Variants in SEC24A observed in about 807,000 individuals in gnomAD.
SEC24A encodes the protein protein transport protein Sec24A.
Under a neutral mutation model 129.4 loss-of-function variants are expected in SEC24A, and 93 were observed. That is an observed-to-expected ratio of 0.72 (90% CI 0.61 to 0.85). The LOEUF is 0.85. SEC24A is among the 40% of genes least tolerant of loss of function. The pLI, the probability that SEC24A is intolerant of heterozygous loss-of-function variation, is 0.00. For missense variants in SEC24A, 1,264 were observed against 1,307.4 expected, an observed-to-expected ratio of 0.97 and a Z score of 0.51; for synonymous variants, 460 against 467.3, an observed-to-expected ratio of 0.98 and a Z score of 0.20.
chr5:134,714,266 G>A (rs935299920), intron 18 of SEC24A, among the ~76,000 whole-genome samples: 1 of 151,988 alleles, frequency 6.6e-6, no homozygotes, highest in Admixed American at 6.6e-5. Flanking sequence ...GCACTCATGG[G>A]CCACTTAGTG....
chr5:134,700,117 T>A (rs1751960800), intron 15 of SEC24A, among the ~76,000 whole-genome samples: 1 of 152,056 alleles, frequency 6.6e-6, no homozygotes. Context: ...TTTAAATAAA[T>A]ATTATTGCTC....
chr5:134,705,225 A>G lies in SEC24A; in HGVS notation c.2441-102A>G, dbSNP rs1005338866. 5.0e-6 allele frequency: 4 copies of G among 799,288 alleles called. No individual in the cohort carries two copies. In the East Asian group the frequency reaches 8.0e-5, roughly 16 times the overall value. The allele number at this position is 799,288 out of a possible 1,614,324, so 49.5% of individuals were successfully genotyped here. On this transcript the variant is annotated intron_variant, in intron 16 of 22. Transcript: ENST00000398844. ...GGAGTAGGTGGGACTACAGGGATGC[A>G]CCACTGCACCCAGCTAAGAAGTGAT...
At chr5:134,671,042 T>C (rs1204102940) in intron 3 of SEC24A, among the ~76,000 whole-genome samples, 1 of 152,032 alleles carries the variant, frequency 6.6e-6, no homozygotes, top group Non-Finnish European at 1.5e-5. Context: ...AATTTTACTT[T>C]CTTTTTTTGT....
intron 21 of SEC24A, among the ~76,000 whole-genome samples, chr5:134,721,597 C>T (rs973637233): frequency 6.6e-6 from 1 of 150,660 alleles, no homozygotes; most frequent in Non-Finnish European, 1.5e-5. Flanking sequence ...ATATGCCAGG[C>T]GTGGTGGCTC....
intron 9 of SEC24A, among the ~76,000 whole-genome samples, chr5:134,683,792 A>G (rs945470602): frequency 3.3e-5 from 5 of 152,232 alleles, no homozygotes; most frequent in African/African-American, 7.2e-5. Flanking sequence ...ACTTTTGATC[A>G]GCACAAACAG....
At position 134,703,753 on chromosome 5, in the gene SEC24A, T is replaced by TTC. The variant is rs746447399; in HGVS notation, c.2267-4_2267-3dup. ...AAAATAATTTTGTTACCTTTTTCTC[T>TTC]TCTAGGTCTTTCCATTCATACTTTC... On this transcript the variant is annotated splice_polypyrimidine_tract_variant and splice_region_variant and intron_variant, in intron 15 of 22. Transcript: ENST00000398844. 8 of 1,595,586 alleles carry TTC rather than the reference T, an allele frequency of 5.0e-6. No homozygotes were observed. In the East Asian group the frequency reaches 1.8e-4, roughly 36 times the overall value.
intron 15 of SEC24A, among the ~76,000 whole-genome samples, chr5:134,699,301 C>CGTT (rs1429369613): frequency 1.4e-5 from 2 of 138,374 alleles, no homozygotes; most frequent in East Asian, 2.1e-4. Flanking sequence ...CCATTTTATC[C>CGTT]TTTTTTTTTT....
chr5:134,712,217 T>G (rs1228074786), intron 18 of SEC24A, among the ~76,000 whole-genome samples: 1 of 152,122 alleles, frequency 6.6e-6, no homozygotes, highest in Non-Finnish European at 1.5e-5. Context: ...CTCATTACTT[T>G]CTAGTAGGAG....
At position 134,727,810 on chromosome 5, in the gene SEC24A, A is replaced by T. The variant is rs1422261053; in HGVS notation, c.*2716A>T. On this transcript the variant is annotated 3_prime_UTR_variant, in exon 23 of 23. Coordinates refer to ENST00000398844, the MANE Select transcript of SEC24A (RefSeq NM_021982.3). ...TAATTTTCACTGTTTTATTCCTGTT[A>T]AAAAAAAAAAAAAGTCATTTGTAAC... 2.2e-5 allele frequency: 3 copies of T among 137,712 alleles called. No homozygotes were observed. Among genetic ancestry groups the T allele is most frequent in the East Asian group, 2.3e-4 (1 of 4,326 alleles). 8.5% of individuals were successfully genotyped at this position (137,712 alleles called of 1,614,324 possible).
At chr5:134,687,961 T>G (rs1370982383) in intron 10 of SEC24A, among the ~76,000 whole-genome samples, 1 of 152,204 alleles carries the variant, frequency 6.6e-6, no homozygotes, top group Non-Finnish European at 1.5e-5. Flanking sequence ...ATTGTTGTAT[T>G]ATTGCTGTTT....
intron 1 of SEC24A, among the ~76,000 whole-genome samples, chr5:134,652,389 A>G (rs1276082988): frequency 2.0e-5 from 3 of 150,682 alleles, no homozygotes; most frequent in Non-Finnish European, 1.5e-5. Flanking sequence ...CCTGGGTTCA[A>G]GCAATTCTGC....
chr5:134,679,450 T>C (rs1223249884), intron 7 of SEC24A, 152 bp from the exon 8 acceptor site: 2 of 434,980 alleles, frequency 4.6e-6, no homozygotes, highest in African/African-American at 4.0e-5. Context: ...TACATGGTTT[T>C]TGTGTATGGC....
intron 9 of SEC24A, among the ~76,000 whole-genome samples, chr5:134,684,712 C>CAA (rs201086641): frequency 6.6e-6 from 1 of 150,904 alleles, no homozygotes; most frequent in African/African-American, 2.4e-5. Context: ...GACTCCATCT[C>CAA]AAAAAACAAA....
At chr5:134,677,426 T>C (rs1019234395) in intron 7 of SEC24A, among the ~76,000 whole-genome samples, 13 of 151,818 alleles carry the variant, frequency 8.6e-5, no homozygotes, top group African/African-American at 3.1e-4. Flanking sequence ...CTTTTGGTGA[T>C]AGGATTTTTT....
chr5:134,674,834 A>G (rs1561810685), intron 5 of SEC24A, 59 bp downstream of exon 5: 3 of 1,468,450 alleles, frequency 2.0e-6, no homozygotes, highest in Admixed American at 4.2e-5. Flanking sequence ...CTGTATACAC[A>G]TGAAGAAAGT....
rs185289606 is a variant in SEC24A at position 134,669,690 on chromosome 5, G to C, written c.740-2119G>C. Among the ~76,000 whole-genome samples, 503 of 150,746 alleles carry C rather than the reference G, an allele frequency of 3.3e-3. 3 individuals carry two copies. Among genetic ancestry groups the C allele is most frequent in the Middle Eastern group, 0.024 (7 of 288 alleles). On this transcript the variant is annotated intron_variant, in intron 3 of 22. Transcript: ENST00000398844. Reference sequence around the variant, plus strand: ...GACGAGGTTTCACTGTGTTAGCCAGGATGGTCTCGATCTCCTGACCTTGTG... The same window carrying C: ...GACGAGGTTTCACTGTGTTAGCCAGCATGGTCTCGATCTCCTGACCTTGTG...
At chr5:134,673,165 C>T (rs1477348923) in intron 4 of SEC24A, among the ~76,000 whole-genome samples, 4 of 150,402 alleles carry the variant, frequency 2.7e-5, no homozygotes, top group Non-Finnish European at 5.9e-5. Context: ...AAGCGATTCT[C>T]CTGCCTCAGC....
chr5:134,722,984 G>A (rs926820155), intron 21 of SEC24A, among the ~76,000 whole-genome samples: 6 of 151,710 alleles, frequency 4.0e-5, no homozygotes, highest in Admixed American at 3.3e-4. Flanking sequence ...TGAGATACTC[G>A]TCTCTACTAA....
rs1328076577 is a variant in SEC24A, at chr5:134,661,986, C to T, written c.565+400C>T. On this transcript the variant is annotated intron_variant, in intron 2 of 22. Coordinates refer to ENST00000398844, the MANE Select transcript of SEC24A (RefSeq NM_021982.3). ...ATGGGATTACAGGCACGTGCCACTG[C>T]ACCCAGCTAACTTTTTGTATTTTTA... 2.6e-5 allele frequency among the ~76,000 whole-genome samples: 4 copies of T among 151,526 alleles called. No individual in the cohort carries two copies. The East Asian group carries it at 5.8e-4, about 22-fold the overall frequency.
Sources: allele counts gnomAD v4.1 joint callset (sites outside exome capture counted in the v4.1 genomes callset), GRCh38; gene constraint gnomAD v4.1.1; transcripts MANE v1.5; gene names NCBI Gene and HGNC (gene_info 2026-07-23, HGNC 2026-07-21).